Variants in DMD observed in about 807,000 individuals in gnomAD.
The protein encoded by DMD is dystrophin.
In DMD, 63 loss-of-function variants were observed where a neutral mutation model predicts 330.1. That is an observed-to-expected ratio of 0.19 (90% CI 0.16 to 0.24). The LOEUF (loss-of-function observed/expected upper bound fraction) is 0.24. Ranked by LOEUF, DMD falls within the 10% of genes least tolerant of loss-of-function variation. DMD has a pLI of 1.00. For synonymous variants in DMD, 1,223 were observed against 959.8 expected (o/e 1.27, Z -5.07); for missense variants, 3,344 against 2,684.1 (o/e 1.25, Z -5.43).
intron 60 of DMD, among the ~76,000 whole-genome samples, chrX:31,413,835 C>T (rs1031316260): frequency 1.0e-4 from 11 of 105,649 alleles, no homozygotes; most frequent in Admixed American, 3.1e-4. Context: ...CATAACACCA[C>T]TTTAAAAAAG....
At chrX:33,010,261 AAT>A (rs1189101430) in intron 2 of DMD, among the ~76,000 whole-genome samples, 1 of 52,367 alleles carries the variant, frequency 1.9e-5, no homozygotes, top group Non-Finnish European at 4.8e-5. Flanking sequence ...TATATGTACA[AAT>A]ATGTGTGTAT....
At chrX:31,774,383 T>C (rs1377296946) in intron 50 of DMD, among the ~76,000 whole-genome samples, 191 bp from the exon 51 acceptor site, 1 of 111,603 alleles carries the variant, frequency 9.0e-6, no homozygotes, top group Admixed American at 9.5e-5. Context: ...CAATACATGG[T>C]AGAAAATGAA....
At chrX:31,672,919 CTGTTATGT>C (rs1317354757) in intron 53 of DMD, among the ~76,000 whole-genome samples, 2 of 112,230 alleles carry the variant, frequency 1.8e-5, no homozygotes, top group Non-Finnish European at 3.8e-5. Context: ...CCTTAGGAAC[CTGTTATGT>C]TAAAGAATTG....
intron 62 of DMD, among the ~76,000 whole-genome samples, chrX:31,316,145 G>A (rs1181747885): frequency 8.9e-6 from 1 of 111,970 alleles, no homozygotes; most frequent in Non-Finnish European, 1.9e-5. Context: ...GCCAAGGACT[G>A]TCCCTTAAGC....
chrX:31,817,287 A>G (rs927242753), intron 50 of DMD, among the ~76,000 whole-genome samples: 1 of 112,165 alleles, frequency 8.9e-6, no homozygotes, highest in Non-Finnish European at 1.9e-5. Flanking sequence ...AACATATACA[A>G]GAAGCATAAT....
intron 44 of DMD, among the ~76,000 whole-genome samples, chrX:32,209,095 G>A (rs932744219): frequency 1.8e-5 from 2 of 111,230 alleles, no homozygotes; most frequent in African/African-American, 3.3e-5. Context: ...ATTGGTGATC[G>A]AGAAAGACCA....
intron 50 of DMD, among the ~76,000 whole-genome samples, chrX:31,799,587 C>T (rs182063976): frequency 3.5e-3 from 392 of 111,272 alleles, no homozygotes; most frequent in Non-Finnish European, 5.0e-3. Flanking sequence ...CAAAACATAT[C>T]ATTCTGCTCC....
chrX:33,112,909 C>T (rs1001835647), intron 1 of DMD, among the ~76,000 whole-genome samples: 16 of 108,104 alleles, frequency 1.5e-4, no homozygotes, highest in Admixed American at 4.0e-4. Context: ...GCCAAGACTG[C>T]GCCATTGCAC....
intron 2 of DMD, among the ~76,000 whole-genome samples, chrX:32,850,189 C>T (rs892727985): frequency 6.3e-5 from 7 of 111,390 alleles, no homozygotes; most frequent in Non-Finnish European, 9.4e-5. Context: ...CACAATCTAC[C>T]TGGGTGGGTA....
At chrX:32,997,798 A>G (rs757954119) in intron 2 of DMD, among the ~76,000 whole-genome samples, 12 of 111,642 alleles carry the variant, frequency 1.1e-4, no homozygotes, top group Non-Finnish European at 1.7e-4. Context: ...AGACTGCATC[A>G]GAGGAATCTA....
At chrX:32,863,428 A>G (rs2149095874) in intron 2 of DMD, among the ~76,000 whole-genome samples, 1 of 104,901 alleles carries the variant, frequency 9.5e-6, no homozygotes, top group Admixed American at 1.0e-4. Flanking sequence ...AAGGTGGGAG[A>G]GAATCTGGGA....
intron 11 of DMD, among the ~76,000 whole-genome samples, chrX:32,627,621 G>A (rs1357092812): frequency 2.7e-5 from 3 of 110,804 alleles, no homozygotes; most frequent in African/African-American, 9.8e-5. Context: ...CAGGTAGTTT[G>A]GCTCCGGGGC....
At chrX:32,855,042 G>C (rs2081429555) in intron 2 of DMD, among the ~76,000 whole-genome samples, 1 of 111,889 alleles carries the variant, frequency 8.9e-6, no homozygotes, top group Non-Finnish European at 1.9e-5. Flanking sequence ...AAAAATCAAT[G>C]TGATAGATCG....
rs773954604 is a variant in DMD, at chrX:32,673,396, G to GA, written c.960+24473dup. Among the ~76,000 whole-genome samples the GA allele has an allele frequency of 9.8e-3, 1,085 of 110,911 alleles. 14 individuals carry two copies. Among genetic ancestry groups the GA allele is most frequent in the African/African-American group, 0.034 (1,042 of 30,589 alleles). On this transcript the variant is annotated intron_variant, in intron 9 of 78. Transcript: ENST00000357033. Reference sequence around the variant, plus strand: ...CTACTGGCCTCTTTAAACCAAGAAAGAAAAAACCTCATGCTAATGGTTACT... The same window carrying GA: ...CTACTGGCCTCTTTAAACCAAGAAAGAAAAAAACCTCATGCTAATGGTTACT...
intron 19 of DMD, among the ~76,000 whole-genome samples, chrX:32,497,346 T>C (rs994171791): frequency 1.8e-5 from 2 of 112,225 alleles, no homozygotes; most frequent in Non-Finnish European, 1.9e-5. Context: ...TTTGAGATGT[T>C]CTTTAGTCTA....
At chrX:31,238,735 C>T (rs2047969794) in intron 63 of DMD, among the ~76,000 whole-genome samples, 1 of 111,997 alleles carries the variant, frequency 8.9e-6, no homozygotes, top group Non-Finnish European at 1.9e-5. Flanking sequence ...AAATGTCTTT[C>T]CTTACCCAGT....
intron 3 of DMD, among the ~76,000 whole-genome samples, chrX:32,848,722 G>A (rs1342355204): frequency 7.2e-5 from 8 of 111,300 alleles, no homozygotes. Context: ...ATTTGGGAGG[G>A]AAAAATTAGC....
At chrX:32,321,439 A>AGTAT (rs1406574928) in intron 41 of DMD, among the ~76,000 whole-genome samples, 1 of 110,819 alleles carries the variant, frequency 9.0e-6, no homozygotes, top group African/African-American at 3.3e-5. Context: ...ATATATGTGG[A>AGTAT]ATGATCTGTT....
chrX:31,695,592 A>T (rs1055892987), intron 52 of DMD, among the ~76,000 whole-genome samples: 1 of 110,434 alleles, frequency 9.1e-6, no homozygotes, highest in Non-Finnish European at 1.9e-5. Context: ...AAAAAATTTT[A>T]AAAACCTAGG....
Sources: gnomAD v4.1 joint callset for allele counts (sites outside exome capture counted in the v4.1 genomes callset) on GRCh38, gnomAD v4.1.1 for gene constraint, MANE v1.5 for transcripts, NCBI Gene and HGNC (gene_info 2026-07-23, HGNC 2026-07-21) for gene names.